SLCO1B1: variants seen among roughly 807,000 people sequenced by gnomAD.
SLCO1B1 encodes OATP-2.
SLCO1B1 carries 81 observed loss-of-function variants against 70.1 expected under a neutral mutation model. That is an observed-to-expected ratio of 1.16 (90% CI 0.97 to 1.39). The LOEUF (loss-of-function observed/expected upper bound fraction) is 1.39. SLCO1B1 is among the 40% of genes most tolerant of loss of function. The pLI is 0.00. For missense variants in SLCO1B1, 895 were observed against 799.6 expected, an observed-to-expected ratio of 1.12 and a Z score of -1.44; for synonymous variants, 283 against 271.5, an observed-to-expected ratio of 1.04 and a Z score of -0.42.
intron 7 of SLCO1B1, among the ~76,000 whole-genome samples, chr12:21,192,987 A>G (rs1308598163): frequency 6.6e-6 from 1 of 152,046 alleles, no homozygotes; most frequent in African/African-American, 2.4e-5. Flanking sequence ...GTTTGTTAGT[A>G]TCCATATTTT....
chr12:21,161,005 A>G (rs1358480667), intron 2 of SLCO1B1, among the ~76,000 whole-genome samples: 1 of 152,190 alleles, frequency 6.6e-6, no homozygotes, highest in Non-Finnish European at 1.5e-5. Flanking sequence ...AAAATAAAAA[A>G]CTAACAGATG....
intron 5 of SLCO1B1, 31 bp from the exon 6 acceptor site, chr12:21,178,545 T>C (rs1241956485): frequency 2.6e-6 from 4 of 1,510,940 alleles, no homozygotes. Context: ...AAAATTAATG[T>C]TTAAAATGAA....
intron 1 of SLCO1B1, among the ~76,000 whole-genome samples, chr12:21,137,967 G>T (rs2121032033): frequency 6.6e-6 from 1 of 152,268 alleles, no homozygotes; most frequent in African/African-American, 2.4e-5. Flanking sequence ...TTCCTATTTG[G>T]CCATCTTGGC....
intron 2 of SLCO1B1, among the ~76,000 whole-genome samples, chr12:21,149,823 A>G (rs1940442775): frequency 6.6e-6 from 1 of 152,100 alleles, no homozygotes; most frequent in Non-Finnish European, 1.5e-5. Flanking sequence ...TTTAAACCCC[A>G]GTGGTGCCTG....
intron 8 of SLCO1B1, among the ~76,000 whole-genome samples, chr12:21,199,576 T>A (rs946031891): frequency 1.3e-5 from 2 of 152,192 alleles, no homozygotes; most frequent in Non-Finnish European, 2.9e-5. Flanking sequence ...AAGAGCTGTA[T>A]ACTAGAGAAA....
intron 2 of SLCO1B1, among the ~76,000 whole-genome samples, chr12:21,160,670 T>C (rs1179463234): frequency 1.3e-5 from 2 of 151,992 alleles, no homozygotes; most frequent in South Asian, 2.1e-4. Context: ...AAATGAGATA[T>C]AATTAAACTT....
At chr12:21,206,504 C>A (rs976174928) in intron 11 of SLCO1B1, among the ~76,000 whole-genome samples, 8 of 151,936 alleles carry the variant, frequency 5.3e-5, no homozygotes, top group Middle Eastern at 3.4e-3. Context: ...GGATCACTAC[C>A]CTTTTTACTT....
chr12:21,147,126 G>A (rs1471739213), intron 2 of SLCO1B1, among the ~76,000 whole-genome samples: 1 of 149,884 alleles, frequency 6.7e-6, no homozygotes, highest in African/African-American at 2.4e-5. Context: ...GTTAAGAAGT[G>A]TTATGTTTTC....
intron 1 of SLCO1B1, among the ~76,000 whole-genome samples, chr12:21,133,766 T>C (rs1380938252): frequency 6.6e-6 from 1 of 152,308 alleles, no homozygotes; most frequent in East Asian, 1.9e-4. Context: ...TATACAATCA[T>C]GTGATCTGCA....
At chr12:21,223,354 A>T (rs1239785513) in intron 13 of SLCO1B1, among the ~76,000 whole-genome samples, 1 of 152,174 alleles carries the variant, frequency 6.6e-6, no homozygotes, top group Non-Finnish European at 1.5e-5. Context: ...TAAATTGTGG[A>T]AGGCCTATAT....
At position 21,197,117 on chromosome 12, in the gene SLCO1B1, A is replaced by G. The variant is rs1212052614; in HGVS notation, c.899A>G (p.Glu300Gly). ...RKASLSLHVLETNDEKDQTAN... is the reference protein window; with the variant it reads ...RKASLSLHVLGTNDEKDQTAN... ...GCTTCACTGTCTTTGCATGTGCTGG[A>G]AACAAATGATGAAAAGGATCAAACA... Residue 300 changes from glutamate to glycine, a missense_variant, in exon 8 of 15, where the codon GAA becomes GGA. Glu to Gly is a moderately conservative substitution (Grantham distance 98, BLOSUM62 -2). Transcript: ENST00000256958. 6.2e-7 allele frequency: 1 copy of G among 1,613,636 alleles called. No individual in the cohort carries two copies. The highest frequency in any genetic ancestry group is 8.5e-7 in the Non-Finnish European group (1 of 1,179,732).
Position 21,222,284 on chromosome 12 carries a change from C to T in SLCO1B1, c.1683-16C>T, listed in dbSNP as rs1941430422. ...TTAATGATATTTAATGTTTCTTTGC[C>T]TTTGTCTTGTTTCAGAATTGTTCAA... On this transcript the variant is annotated splice_polypyrimidine_tract_variant and intron_variant, in intron 12 of 14. Transcript: ENST00000256958. The T allele has an allele frequency of 7.6e-7, 1 of 1,309,724 alleles. No homozygotes were observed. Among genetic ancestry groups the T allele is most frequent in the Non-Finnish European group, 1.0e-6 (1 of 978,202 alleles). 81.1% of individuals were successfully genotyped at this position (1,309,724 alleles called of 1,614,324 possible).
At chr12:21,170,271 C>G (rs148600006) in intron 2 of SLCO1B1, among the ~76,000 whole-genome samples, 124 of 152,250 alleles carry the variant, frequency 8.1e-4, no homozygotes, top group Non-Finnish European at 1.4e-3. Context: ...GAGAAAGACT[C>G]TAGTGAGAGA....
intron 2 of SLCO1B1, among the ~76,000 whole-genome samples, chr12:21,146,546 C>T (rs1940385279): frequency 6.6e-6 from 1 of 151,970 alleles, no homozygotes; most frequent in Non-Finnish European, 1.5e-5. Flanking sequence ...TTGATTTTAG[C>T]ATTTTCTTGT....
chr12:21,189,170 T>G (rs1261202147), intron 7 of SLCO1B1, among the ~76,000 whole-genome samples: 3 of 152,174 alleles, frequency 2.0e-5, no homozygotes, highest in Non-Finnish European at 4.4e-5. Context: ...CTGTATTTAA[T>G]TTTTGAGGAA....
chr12:21,201,079 C>T (rs547119002), intron 9 of SLCO1B1, among the ~76,000 whole-genome samples: 5 of 151,992 alleles, frequency 3.3e-5, no homozygotes, highest in South Asian at 2.1e-4. Flanking sequence ...AAAAGAGTAT[C>T]GATTTAAATA....
At chr12:21,189,909 C>T (rs530944704) in intron 7 of SLCO1B1, among the ~76,000 whole-genome samples, 13 of 152,238 alleles carry the variant, frequency 8.5e-5, no homozygotes, top group African/African-American at 1.4e-4. Flanking sequence ...AAAAATACAA[C>T]ATATTGTGGT....
At chr12:21,178,533 C>A in intron 5 of SLCO1B1, 43 bp from the exon 6 acceptor site, 1 of 1,415,666 alleles carries the variant, frequency 7.1e-7, no homozygotes, top group South Asian at 1.2e-5. Flanking sequence ...AATAGAAATG[C>A]TAAAATTAAT....
At chr12:21,133,217 G>C (rs1940167037) in intron 1 of SLCO1B1, among the ~76,000 whole-genome samples, 1 of 152,054 alleles carries the variant, frequency 6.6e-6, no homozygotes, top group South Asian at 2.1e-4. Flanking sequence ...CCAGTACCAT[G>C]CTGTTTTGGT....
Sources: gnomAD v4.1 joint callset for allele counts (sites outside exome capture counted in the v4.1 genomes callset) on GRCh38, gnomAD v4.1.1 for gene constraint, MANE v1.5 for transcripts, NCBI Gene and HGNC (gene_info 2026-07-23, HGNC 2026-07-21) for gene names.